TENM1: variants seen among roughly 807,000 people sequenced by gnomAD.
The protein encoded by TENM1 is teneurin transmembrane protein 1.
TENM1 carries 35 observed loss-of-function variants against 174.8 expected under a neutral mutation model. That is an observed-to-expected ratio of 0.20 (90% CI 0.15 to 0.27). The LOEUF (loss-of-function observed/expected upper bound fraction) is 0.27. TENM1 is among the 10% of genes least tolerant of loss of function. TENM1 has a pLI of 1.00. For synonymous variants in TENM1, 781 were observed against 798.7 expected (o/e 0.98, Z 0.37); for missense variants, 1,633 against 2,130.1 (o/e 0.77, Z 4.59).
chrX:124,903,713 A>C (rs2057700049), intron 1 of TENM1, among the ~76,000 whole-genome samples: 1 of 112,040 alleles, frequency 8.9e-6, no homozygotes, highest in Admixed American at 9.5e-5. Context: ...TTGTAATAAG[A>C]GTCTGGAAAA....
the TENM1 span, among the ~76,000 whole-genome samples, chrX:125,198,433 C>T: frequency 5.2e-3 from 575 of 111,583 alleles, 4 homozygotes; most frequent in African/African-American, 0.017. Context: ...AACTATTTTA[C>T]AGCTGTGAAT....
intron 27 of TENM1, among the ~76,000 whole-genome samples, chrX:124,396,180 G>A (rs774217882): frequency 1.8e-5 from 2 of 111,140 alleles, no homozygotes; most frequent in Admixed American, 9.6e-5. Flanking sequence ...TGTAAAATTC[G>A]GCTAAGAGCT....
chrX:124,510,643 T>C (rs2047559351), intron 18 of TENM1, among the ~76,000 whole-genome samples: 1 of 111,500 alleles, frequency 9.0e-6, no homozygotes, highest in Admixed American at 9.5e-5. Flanking sequence ...ATAAGTCACA[T>C]GGTTTGATAA....
chrX:125,047,439 T>C, the TENM1 span, among the ~76,000 whole-genome samples: 1 of 111,741 alleles, frequency 8.9e-6, no homozygotes, highest in South Asian at 3.7e-4. Flanking sequence ...CCTTTAAAAA[T>C]AAATCATCAA....
At chrX:125,157,736 C>G in the TENM1 span, among the ~76,000 whole-genome samples, 1 of 111,910 alleles carries the variant, frequency 8.9e-6, no homozygotes, top group African/African-American at 3.3e-5. Flanking sequence ...AAAAGCATTC[C>G]TATTTTATTC....
chrX:124,519,587 C>T (rs773759461), intron 18 of TENM1, among the ~76,000 whole-genome samples: 283 of 110,953 alleles, frequency 2.6e-3, no homozygotes, highest in African/African-American at 8.7e-3. Context: ...ACATGAGCTG[C>T]TTCCTGAAGG....
chrX:124,601,590 G>A (rs936627653), intron 11 of TENM1, among the ~76,000 whole-genome samples: 15 of 111,144 alleles, frequency 1.3e-4, no homozygotes, highest in African/African-American at 4.9e-4. Context: ...AGTGTCTGTG[G>A]AGAATAACAA....
chrX:124,766,533 T>TA (rs2033708649), intron 3 of TENM1, among the ~76,000 whole-genome samples: 1 of 111,627 alleles, frequency 9.0e-6, no homozygotes, highest in Admixed American at 9.6e-5. Flanking sequence ...CCTATTAAAC[T>TA]AATTAAGTAG....
At chrX:124,854,300 G>A (rs1450875709) in intron 3 of TENM1, among the ~76,000 whole-genome samples, 1 of 111,328 alleles carries the variant, frequency 9.0e-6, no homozygotes, top group African/African-American at 3.3e-5. Context: ...TGGGAGCTAA[G>A]CTATGAGGAT....
chrX:124,779,717 CCAA>C (rs2054864862), intron 3 of TENM1, among the ~76,000 whole-genome samples: 1 of 111,886 alleles, frequency 8.9e-6, no homozygotes, highest in Non-Finnish European at 1.9e-5. Flanking sequence ...CTGAAAGATG[CCAA>C]CAACAATATT....
intron 1 of TENM1, among the ~76,000 whole-genome samples, chrX:124,949,039 C>T (rs1428365841): frequency 6.3e-5 from 7 of 111,344 alleles, no homozygotes; most frequent in African/African-American, 1.6e-4. Context: ...CAACAAAGTC[C>T]GACTGGCTGG....
chrX:125,098,255 C>T, the TENM1 span, among the ~76,000 whole-genome samples: 1 of 111,639 alleles, frequency 9.0e-6, no homozygotes, highest in Non-Finnish European at 1.9e-5. Flanking sequence ...CAGAGCAAGA[C>T]TCCATCTCAA....
intron 14 of TENM1, among the ~76,000 whole-genome samples, chrX:124,555,854 A>C (rs2048681828): frequency 8.9e-6 from 1 of 112,027 alleles, no homozygotes; most frequent in Non-Finnish European, 1.9e-5. Flanking sequence ...AAGAGGATCG[A>C]TGATGAACAG....
the TENM1 span, among the ~76,000 whole-genome samples, chrX:125,001,465 T>C: frequency 3.6e-5 from 4 of 111,745 alleles, no homozygotes; most frequent in Non-Finnish European, 5.7e-5. Flanking sequence ...TCTATAATTC[T>C]ACTCATTTTG....
intron 18 of TENM1, among the ~76,000 whole-genome samples, chrX:124,514,601 T>A (rs2047656163): frequency 9.0e-6 from 1 of 110,674 alleles, no homozygotes; most frequent in African/African-American, 3.3e-5. Flanking sequence ...TTCATGGACA[T>A]ATACACCATC....
At chrX:124,395,954 T>C (rs1274627705) in intron 27 of TENM1, among the ~76,000 whole-genome samples, 1 of 112,103 alleles carries the variant, frequency 8.9e-6, no homozygotes, top group Non-Finnish European at 1.9e-5. Flanking sequence ...TTAAGTTTAC[T>C]ACTCAAGAAC....
intron 23 of TENM1, among the ~76,000 whole-genome samples, chrX:124,442,671 A>AT (rs980873875): frequency 2.7e-5 from 3 of 110,440 alleles, no homozygotes; most frequent in South Asian, 3.9e-4. Flanking sequence ...GTTAAAGAAA[A>AT]TTTTTTTTTG....
At chrX:124,979,289 G>A in the TENM1 span, among the ~76,000 whole-genome samples, 2,280 of 111,634 alleles carry the variant, frequency 0.02, 41 homozygotes, top group Middle Eastern at 0.074. Context: ...CTTAAGTGTC[G>A]TTTTTGTCAA....
exon 32 of TENM1, chrX:124,377,966 T>C (rs766611355): frequency 6.3e-5 from 7 of 110,478 alleles, no homozygotes; most frequent in African/African-American, 2.0e-4. Context: ...ATGTTTCTCT[T>C]CGATTTACTA....
Sources: allele counts gnomAD v4.1 joint callset (sites outside exome capture counted in the v4.1 genomes callset), GRCh38; gene constraint gnomAD v4.1.1; transcripts MANE v1.5; gene names NCBI Gene and HGNC (gene_info 2026-07-23, HGNC 2026-07-21).